PCLO: variants seen among roughly 807,000 people sequenced by gnomAD.
PCLO encodes piccolo presynaptic cytomatrix protein.
PCLO carries 82 observed loss-of-function variants against 427.5 expected under a neutral mutation model. That is an observed-to-expected ratio of 0.19 (90% CI 0.16 to 0.23). PCLO has a LOEUF of 0.23. Ranked by LOEUF, PCLO falls within the 10% of genes least tolerant of loss-of-function variation. The pLI is 1.00. For missense variants in PCLO, 6,239 were observed against 6,115.9 expected, an observed-to-expected ratio of 1.02 and a Z score of -0.67; for synonymous variants, 2,357 against 2,155.4, an observed-to-expected ratio of 1.09 and a Z score of -2.59.
intron 21 of PCLO, among the ~76,000 whole-genome samples, chr7:82,803,351 C>T (rs988057590): frequency 6.6e-6 from 1 of 151,834 alleles, no homozygotes; most frequent in Non-Finnish European, 1.5e-5. Flanking sequence ...TTATACTATC[C>T]CAGACTTTTA....
At chr7:83,159,040 A>C (rs1792370890) in intron 1 of PCLO, among the ~76,000 whole-genome samples, 1 of 152,094 alleles carries the variant, frequency 6.6e-6, no homozygotes, top group Admixed American at 6.5e-5. Flanking sequence ...CTAGAGAGAA[A>C]GGATATATTT....
intron 3 of PCLO, among the ~76,000 whole-genome samples, chr7:82,976,453 T>C (rs977633320): frequency 1.8e-4 from 27 of 152,194 alleles, no homozygotes; most frequent in African/African-American, 6.5e-4. Flanking sequence ...TTATTATATA[T>C]ATTTTAAACT....
At chr7:82,830,873 T>C (rs1792076974) in intron 16 of PCLO, among the ~76,000 whole-genome samples, 1 of 152,002 alleles carries the variant, frequency 6.6e-6, no homozygotes, top group South Asian at 2.1e-4. Flanking sequence ...ATAATTGTTA[T>C]TCAAATTTTT....
chr7:82,971,446 C>G (rs1373784255), intron 3 of PCLO, among the ~76,000 whole-genome samples: 2 of 149,892 alleles, frequency 1.3e-5, no homozygotes, highest in African/African-American at 4.9e-5. Flanking sequence ...GTGTATACAT[C>G]TGTAATACAC....
chr7:82,965,972 A>G lies in PCLO; in HGVS notation c.3816T>C (p.Ala1272=). 1 of 1,613,772 alleles carries G rather than the reference A, an allele frequency of 6.2e-7. No individual in the cohort carries two copies. Among genetic ancestry groups the G allele is most frequent in the Non-Finnish European group, 8.5e-7 (1 of 1,179,862 alleles). Residue 1272 remains alanine, a synonymous_variant, in exon 4 of 25, where the codon GCT becomes GCC. Transcript: ENST00000333891. ...HDLLKSQVQI[A]EEKLEGRVAP... is the part of the protein sequence containing the mutation. ...CCACTCTGCCTTCAAGCTTTTCTTC[A>G]GCAATTTGTACTTGAGATTTAAGTA...
intron 22 of PCLO, among the ~76,000 whole-genome samples, chr7:82,765,233 A>C (rs1790509224): frequency 6.6e-6 from 1 of 151,948 alleles, no homozygotes; most frequent in South Asian, 2.1e-4. Flanking sequence ...AAATAGCTTT[A>C]AACTCCTGTA....
intron 7 of PCLO, 128 bp from the exon 8 acceptor site, chr7:82,909,141 C>A: frequency 1.3e-6 from 1 of 782,350 alleles, no homozygotes; most frequent in South Asian, 2.1e-5. Flanking sequence ...AACACATCTC[C>A]CCTTGGGACT....
intron 24 of PCLO, among the ~76,000 whole-genome samples, chr7:82,759,505 T>C (rs1790387147): frequency 6.6e-6 from 1 of 151,906 alleles, no homozygotes; most frequent in African/African-American, 2.4e-5. Flanking sequence ...TCTTATCAAA[T>C]TCATTTCGGA....
At chr7:82,869,092 A>T (rs1793167916) in intron 10 of PCLO, among the ~76,000 whole-genome samples, 1 of 152,100 alleles carries the variant, frequency 6.6e-6, no homozygotes, top group Non-Finnish European at 1.5e-5. Context: ...AGTTCAAAAA[A>T]TCCAGTGATT....
chr7:83,053,470 G>A (rs1326067302), intron 3 of PCLO, among the ~76,000 whole-genome samples: 1 of 151,950 alleles, frequency 6.6e-6, no homozygotes, highest in Non-Finnish European at 1.5e-5. Flanking sequence ...GTGAATGTTG[G>A]AAGAAAAGAA....
chr7:82,807,960 G>A (rs1304198583), intron 20 of PCLO, among the ~76,000 whole-genome samples: 1 of 151,854 alleles, frequency 6.6e-6, no homozygotes, highest in Non-Finnish European at 1.5e-5. Flanking sequence ...GGTGTAGTTA[G>A]TGTTAAAAAA....
intron 9 of PCLO, among the ~76,000 whole-genome samples, chr7:82,893,950 T>A (rs917328796): frequency 1.1e-4 from 17 of 151,860 alleles, no homozygotes; most frequent in Non-Finnish European, 2.2e-4. Context: ...TTTATAAGAA[T>A]CTTATGCCAA....
chr7:83,057,329 TATATATATATATATA>T (rs1789409420), intron 3 of PCLO, among the ~76,000 whole-genome samples: 3 of 16,144 alleles, frequency 1.9e-4, no homozygotes. Flanking sequence ...TATATATATA[TATATATATATATATA>T]TATATTTTTT....
At position 83,134,911 on chromosome 7, in the gene PCLO, C is replaced by A; in HGVS notation, c.2639G>T (p.Gly880Val). The A allele has an allele frequency of 1.2e-6, 2 of 1,602,746 alleles. No individual in the cohort carries two copies. Among genetic ancestry groups the A allele is most frequent in the Non-Finnish European group, 8.5e-7 (1 of 1,174,862 alleles). Residue 880 changes from glycine (G) to valine (V), a missense_variant, in exon 3 of 25, where the codon GGC becomes GTC. Gly to Val is a moderately radical substitution (Grantham distance 109). Around this residue, in one of 5 missense-constraint regions of PCLO, gnomAD observed 4,677 missense variants for 4,468.4 expected, o/e 1.05. Coordinates refer to ENST00000333891, the MANE Select transcript of PCLO (RefSeq NM_033026.6). ...AGTTTGGCCAGCGGTAGGTCGTGGGCCAGGGGGTGTTGGTGACCCTTTTGG... is the reference window on the plus strand; with the variant it reads ...AGTTTGGCCAGCGGTAGGTCGTGGGACAGGGGGTGTTGGTGACCCTTTTGG... Reference protein sequence around the residue: ...PMPKGSPTPPGPRPTAGQTVP... With the variant: ...PMPKGSPTPPVPRPTAGQTVP...
At chr7:82,885,535 C>T (rs73710061) in intron 9 of PCLO, among the ~76,000 whole-genome samples, 13,886 of 152,012 alleles carry the variant, frequency 0.091, 2,121 homozygotes, top group African/African-American at 0.31. Flanking sequence ...TATGCAGTGA[C>T]AGAAAACTAA....
chr7:83,122,679 T>C (rs979022538), intron 3 of PCLO, among the ~76,000 whole-genome samples: 1 of 152,096 alleles, frequency 6.6e-6, no homozygotes, highest in South Asian at 2.1e-4. Flanking sequence ...GGCATACACA[T>C]TGGAAGAAAA....
intron 3 of PCLO, among the ~76,000 whole-genome samples, chr7:83,076,162 A>G (rs576550776): frequency 2.0e-5 from 3 of 151,476 alleles, no homozygotes; most frequent in South Asian, 2.1e-4. Context: ...CAAGTCTCCT[A>G]TAACAGTTCA....
At chr7:82,909,513 T>C (rs191417084) in intron 7 of PCLO, among the ~76,000 whole-genome samples, 1 of 152,042 alleles carries the variant, frequency 6.6e-6, no homozygotes, top group African/African-American at 2.4e-5. Context: ...TCTGCACATG[T>C]ATCCCAGAAC....
intron 3 of PCLO, among the ~76,000 whole-genome samples, chr7:83,043,912 C>CTTTTCTTTTTT (rs1789033893): frequency 1.1e-5 from 1 of 94,910 alleles, no homozygotes; most frequent in Admixed American, 1.4e-4. Context: ...CTATTATTTT[C>CTTTTCTTTTTT]TTTTTTTTTT....
Sources: gnomAD v4.1 joint callset for allele counts (sites outside exome capture counted in the v4.1 genomes callset) on GRCh38, gnomAD v4.1.1 for gene constraint, gnomAD v4.1.1 regional missense constraint, MANE v1.5 for transcripts, NCBI Gene and HGNC (gene_info 2026-07-23, HGNC 2026-07-21) for gene names.